Variants in HNRNPLL observed in about 807,000 individuals in gnomAD.
HNRNPLL encodes heterogeneous nuclear ribonucleoprotein L-like.
A neutral mutation model predicts 67.1 loss-of-function variants in HNRNPLL; 25 were observed. The observed-to-expected ratio is 0.37, with a 90% CI of 0.27 to 0.52. HNRNPLL has a LOEUF of 0.52. Ranked by LOEUF, HNRNPLL falls within the 20% of genes least tolerant of loss-of-function variation. HNRNPLL has a pLI of 0.90. For missense variants in HNRNPLL, 542 were observed against 673.9 expected (o/e 0.80, Z 2.17); for synonymous variants, 267 against 241.7 (o/e 1.10, Z -0.97).
At chr2:38,577,024 C>T (rs547784412) in intron 7 of HNRNPLL, among the ~76,000 whole-genome samples, 41 of 151,916 alleles carry the variant, frequency 2.7e-4, no homozygotes, top group African/African-American at 9.6e-4. Flanking sequence ...AGCTACAGAA[C>T]TATAAGGTGA....
At chr2:38,583,278 C>T (rs536206851) in intron 4 of HNRNPLL, among the ~76,000 whole-genome samples, 86 of 152,150 alleles carry the variant, frequency 5.7e-4, no homozygotes, top group African/African-American at 2.0e-3. Context: ...ACTATTAAAG[C>T]GTTTGCTGTA....
chr2:38,597,693 T>TTA (rs1402941153), intron 1 of HNRNPLL, among the ~76,000 whole-genome samples: 2 of 88,356 alleles, frequency 2.3e-5, no homozygotes, highest in Non-Finnish European at 4.9e-5. Context: ...CTTTTTTTAT[T>TTA]TTTTTTTTTT....
chr2:38,594,300 C>A (rs1667087481), intron 1 of HNRNPLL, among the ~76,000 whole-genome samples: 1 of 152,082 alleles, frequency 6.6e-6, no homozygotes, highest in Non-Finnish European at 1.5e-5. Flanking sequence ...TGAATACAGA[C>A]AGGATATTAG....
chr2:38,601,198 CG>C (rs1667416662), intron 1 of HNRNPLL, among the ~76,000 whole-genome samples: 1 of 152,182 alleles, frequency 6.6e-6, no homozygotes, highest in African/African-American at 2.4e-5. Flanking sequence ...TAGCTAACAC[CG>C]TAACAAGACT....
intron 2 of HNRNPLL, among the ~76,000 whole-genome samples, chr2:38,588,892 A>G (rs190691738): frequency 2.5e-4 from 38 of 152,300 alleles, no homozygotes; most frequent in African/African-American, 9.1e-4. Flanking sequence ...GAGATCACAG[A>G]GAGAAAAGGC....
chr2:38,575,599 C>T lies in HNRNPLL; in HGVS notation c.874+1862G>A, dbSNP rs115296946. On this transcript the variant is annotated intron_variant, in intron 7 of 12. Transcript: ENST00000449105. The stretch of plus-strand genomic sequence containing the variant: ...TGTGATGATTCACATAGATTTCATA[C>T]TGCTATAATAAACCAATGAATAAAC... 5.3e-3 allele frequency among the ~76,000 whole-genome samples: 811 copies of T among 151,902 alleles called. 8 individuals carry two copies. Among genetic ancestry groups the T allele is most frequent in the African/African-American group, 0.018 (761 of 41,534 alleles).
rs1666117688 is a variant in HNRNPLL at position 38,572,219 on chromosome 2, G to C, written c.1092+991C>G. ...TCCCAGACCAAATGTGGAATGTTTT[G>C]TTTTGTTTTGTTTTGTTTTTTACTG... On this transcript the variant is annotated intron_variant, in intron 8 of 12. Coordinates refer to ENST00000449105, the MANE Select transcript of HNRNPLL (RefSeq NM_138394.4). Among the ~76,000 whole-genome samples the C allele has an allele frequency of 4.0e-5, 6 of 151,870 alleles. No homozygotes were observed. The South Asian group carries it at 1.2e-3, about 32-fold the overall frequency.
At chr2:38,592,264 T>C (rs1242327867) in intron 1 of HNRNPLL, among the ~76,000 whole-genome samples, 1 of 152,210 alleles carries the variant, frequency 6.6e-6, no homozygotes, top group Non-Finnish European at 1.5e-5. Context: ...ACTGGAAGTA[T>C]ATTTGATACT....
intron 12 of HNRNPLL, among the ~76,000 whole-genome samples, chr2:38,567,603 T>G (rs997111089): frequency 1.3e-5 from 2 of 152,196 alleles, no homozygotes; most frequent in Non-Finnish European, 2.9e-5. Context: ...AAGCTATAGC[T>G]TGAAGGTGAT....
rs1257865350 is a variant in HNRNPLL at position 38,602,828 on chromosome 2, G to C, written c.-202C>G. The C allele has an allele frequency of 2.6e-6, 4 of 1,548,746 alleles. No individual in the cohort carries two copies. The highest frequency in any genetic ancestry group is 3.5e-6 in the Non-Finnish European group (4 of 1,146,152). On this transcript the variant is annotated 5_prime_UTR_variant, in exon 1 of 13. Transcript: ENST00000449105. ...ACTGAGGGGGGCGCCCCGGGAGGAAGCTCTGGAGCGGCCGCTCCTCTCAAT... is the reference window on the plus strand; with the variant it reads ...ACTGAGGGGGGCGCCCCGGGAGGAACCTCTGGAGCGGCCGCTCCTCTCAAT...
chr2:38,588,343 T>C (rs937367984), intron 2 of HNRNPLL, among the ~76,000 whole-genome samples: 14 of 146,646 alleles, frequency 9.5e-5, no homozygotes, highest in Admixed American at 7.4e-4. Context: ...AGGTCAGGAG[T>C]TCAAGGCCAG....
chr2:38,602,415 A>G (rs924557865), intron 1 of HNRNPLL, 23 bp downstream of exon 1: 2 of 1,546,154 alleles, frequency 1.3e-6, no homozygotes, highest in African/African-American at 2.7e-5. Context: ...GGCACAGCGG[A>G]CAGGGGGGCC....
At chr2:38,571,402 T>C (rs1247531378) in intron 8 of HNRNPLL, among the ~76,000 whole-genome samples, 2 of 152,146 alleles carry the variant, frequency 1.3e-5, no homozygotes, top group South Asian at 2.1e-4. Context: ...ACCAATGACA[T>C]AGATGACACC....
chr2:38,599,897 C>G (rs1294594651), intron 1 of HNRNPLL: 1 of 471,408 alleles, frequency 2.1e-6, no homozygotes, highest in Non-Finnish European at 4.4e-6. Context: ...TTGTACCTAA[C>G]CTGCATTTAC....
At chr2:38,579,828 C>G (rs1208346732) in intron 6 of HNRNPLL, among the ~76,000 whole-genome samples, 1 of 151,840 alleles carries the variant, frequency 6.6e-6, no homozygotes, top group African/African-American at 2.4e-5. Context: ...AATTTGAGTG[C>G]AAGCTAAGAG....
chr2:38,589,702 T>A (rs1256417357), intron 2 of HNRNPLL, among the ~76,000 whole-genome samples: 1 of 152,246 alleles, frequency 6.6e-6, no homozygotes, highest in African/African-American at 2.4e-5. Context: ...TTCAAATTAC[T>A]AACTTAAAAT....
intron 4 of HNRNPLL, among the ~76,000 whole-genome samples, 165 bp downstream of exon 4, chr2:38,583,676 A>G (rs1000962758): frequency 6.6e-6 from 1 of 152,234 alleles, no homozygotes. Flanking sequence ...CTTATCATAA[A>G]TAGTAAAATT....
intron 1 of HNRNPLL, 58 bp downstream of exon 1, chr2:38,602,380 G>C (rs1667478098): frequency 6.7e-7 from 1 of 1,498,860 alleles, no homozygotes; most frequent in African/African-American, 1.4e-5. Context: ...CCCGCACCGA[G>C]GCCCTGCTTC....
intron 12 of HNRNPLL, among the ~76,000 whole-genome samples, chr2:38,565,687 C>T (rs1364727570): frequency 3.6e-5 from 5 of 139,818 alleles, no homozygotes; most frequent in African/African-American, 1.1e-4. Context: ...TGTGATTGCA[C>T]CACTGCATTC....
Sources: gnomAD v4.1 joint callset for allele counts (sites outside exome capture counted in the v4.1 genomes callset) on GRCh38, gnomAD v4.1.1 for gene constraint, MANE v1.5 for transcripts, NCBI Gene and HGNC (gene_info 2026-07-23, HGNC 2026-07-21) for gene names.